The following PROCR variants were observed in gnomAD, a reference collection of about 807,000 sequenced individuals.
PROCR encodes endothelial protein C receptor.
Under a neutral mutation model 24.2 loss-of-function variants are expected in PROCR, and 22 were observed. The ratio of observed to expected loss-of-function variants is 0.91; its 90% confidence interval spans 0.65 to 1.30. PROCR has a LOEUF of 1.30. PROCR is among the 50% of genes most tolerant of loss of function. The pLI, the probability that PROCR is intolerant of heterozygous loss-of-function variation, is 0.00. For synonymous variants in PROCR, 137 were observed against 139.2 expected (o/e 0.98, Z 0.11); for missense variants, 288 against 307.7 (o/e 0.94, Z 0.48).
At chr20:35,189,329 G>A (rs1331404072) in intron 1 of PROCR, among the ~76,000 whole-genome samples, 2 of 152,150 alleles carry the variant, frequency 1.3e-5, no homozygotes, top group East Asian at 3.8e-4. Flanking sequence ...ACAGATAAGG[G>A]ATGAAACACA....
In PROCR at chr20:35,174,787, A is replaced by T. The variant is rs144246091; in HGVS notation, c.156A>T (p.Gly52=). The T allele has an allele frequency of 4.7e-4, 762 of 1,613,716 alleles. 1 individual carries two copies. The highest frequency in any genetic ancestry group is 9.9e-4 in the Middle Eastern group (6 of 6,062). The change falls in exon 2 of 4, where the codon GGA becomes GGT. Residue 52 remains glycine, a synonymous_variant. Transcript: ENST00000216968. Reference sequence around the variant, plus strand: ...ACCAGGGCAACGCGTCGCTGGGGGGACACCTAACGCACGTGCTGGAAGGCC... The same window carrying T: ...ACCAGGGCAACGCGTCGCTGGGGGGTCACCTAACGCACGTGCTGGAAGGCC... ...VWYQGNASLG[G]HLTHVLEGPD...
chr20:35,172,225 G>A lies in PROCR; in HGVS notation c.70+1G>A. On this transcript the variant is annotated splice_donor_variant, in intron 1 of 3. Transcript: ENST00000216968. LOFTEE classifies it high-confidence loss of function. The stretch of plus-strand genomic sequence containing the variant: ...TTTTGTAGCCAAGACGCCTCAGATG[G>A]TGAGTCGGGGGCACATCTCCTGCCT... The A allele has an allele frequency of 3.1e-6, 5 of 1,614,152 alleles. No individual in the cohort carries two copies. Among genetic ancestry groups the A allele is most frequent in the Non-Finnish European group, 4.2e-6 (5 of 1,179,994 alleles).
intron 1 of PROCR, among the ~76,000 whole-genome samples, chr20:35,197,488 C>A (rs1423973685): frequency 3.3e-5 from 5 of 152,088 alleles, no homozygotes; most frequent in African/African-American, 1.2e-4. Context: ...TGAAATTAGG[C>A]CAATGAATAA....
intron 1 of PROCR, among the ~76,000 whole-genome samples, chr20:35,199,271 G>A (rs1190352835): frequency 6.6e-6 from 1 of 152,164 alleles, no homozygotes; most frequent in Non-Finnish European, 1.5e-5. Flanking sequence ...TAAGCCTACT[G>A]TTGAGACCTA....
intron 1 of PROCR, among the ~76,000 whole-genome samples, chr20:35,214,045 A>G (rs1162585493): frequency 6.6e-6 from 1 of 152,152 alleles, no homozygotes; most frequent in African/African-American, 2.4e-5. Context: ...ACTGCACTCC[A>G]GCCTGGGTAA....
At chr20:35,173,346 G>A (rs1050453603) in intron 1 of PROCR, among the ~76,000 whole-genome samples, 3 of 151,722 alleles carry the variant, frequency 2.0e-5, no homozygotes, top group South Asian at 2.1e-4. Context: ...ACTGTGTCTC[G>A]TGGGGCATCA....
chr20:35,183,757 T>C (rs2086099136), intron 1 of PROCR, among the ~76,000 whole-genome samples: 1 of 152,124 alleles, frequency 6.6e-6, no homozygotes, highest in African/African-American at 2.4e-5. Flanking sequence ...ATAGGAAAGA[T>C]AGACAGAACA....
At chr20:35,194,313 G>T (rs139642918) in intron 1 of PROCR, among the ~76,000 whole-genome samples, 2 of 152,250 alleles carry the variant, frequency 1.3e-5, no homozygotes, top group African/African-American at 4.8e-5. Context: ...ATATGAAGCA[G>T]TGTTGGGTTA....
intron 1 of PROCR, among the ~76,000 whole-genome samples, chr20:35,206,359 C>A (rs764513516): frequency 2.6e-5 from 4 of 151,158 alleles, no homozygotes; most frequent in African/African-American, 7.3e-5. Context: ...CCTGTAATCC[C>A]AGCTACTCAG....
intron 1 of PROCR, among the ~76,000 whole-genome samples, chr20:35,214,623 A>G (rs2060374429): frequency 6.8e-6 from 1 of 146,842 alleles, no homozygotes; most frequent in African/African-American, 2.5e-5. Flanking sequence ...CAGGAGGTGG[A>G]GGTTGCAGTG....
At chr20:35,213,159 C>A (rs2060368347) in intron 1 of PROCR, among the ~76,000 whole-genome samples, 1 of 152,070 alleles carries the variant, frequency 6.6e-6, no homozygotes, top group African/African-American at 2.4e-5. Context: ...GGCAAAACCG[C>A]GTCTCTACAA....
chr20:35,208,911 G>A (rs559572926), intron 1 of PROCR, among the ~76,000 whole-genome samples: 1 of 152,020 alleles, frequency 6.6e-6, no homozygotes, highest in Admixed American at 6.5e-5. Flanking sequence ...GGCGGAGGCT[G>A]TAGTGAGCCG....
chr20:35,179,942 C>T (rs2086062199), downstream of PROCR, among the ~76,000 whole-genome samples: 1 of 152,056 alleles, frequency 6.6e-6, no homozygotes, highest in South Asian at 2.1e-4. Flanking sequence ...CCAGTTCTAC[C>T]TCCAAAGAAA....
intron 1 of PROCR, chr20:35,203,025 C>T (rs1210194051): frequency 1.3e-5 from 2 of 152,180 alleles, no homozygotes; most frequent in Non-Finnish European, 2.9e-5. Flanking sequence ...CACTTGTAAT[C>T]CCAGCACTTT....
At chr20:35,209,580 C>T (rs1440953697) in intron 1 of PROCR, among the ~76,000 whole-genome samples, 1 of 152,020 alleles carries the variant, frequency 6.6e-6, no homozygotes, top group African/African-American at 2.4e-5. Context: ...CTGAGAAACT[C>T]CAGAATTTAA....
chr20:35,185,572 A>C (rs7263203), intron 1 of PROCR, among the ~76,000 whole-genome samples: 13,459 of 152,260 alleles, frequency 0.088, 694 homozygotes, highest in South Asian at 0.16. Context: ...GAATGAATTA[A>C]CAGCATTTGC....
chr20:35,190,013 A>G (rs2086160347), intron 1 of PROCR, among the ~76,000 whole-genome samples: 1 of 152,202 alleles, frequency 6.6e-6, no homozygotes, highest in Non-Finnish European at 1.5e-5. Context: ...ATGTCATGAA[A>G]AATTTTATTG....
At position 35,176,300 on chromosome 20, in the gene PROCR, C is replaced by CA; in HGVS notation, c.456dup (p.Asp153ArgfsTer25). 6.2e-7 allele frequency: 1 copy of CA among 1,614,160 alleles called. No individual in the cohort carries two copies. Among genetic ancestry groups the CA allele is most frequent in the East Asian group, 2.2e-5 (1 of 44,888 alleles). The stretch of plus-strand genomic sequence containing the variant: ...CGGCCGGAGAGAGCCTTGTGGCAGG[C>CA]AGACACCCAGGTCACCTCCGGAGTG... On this transcript the variant is annotated frameshift_variant, in exon 3 of 4. Transcript: ENST00000216968. LOFTEE classifies it high-confidence loss of function.
At chr20:35,212,128 T>G (rs2060364800) in intron 1 of PROCR, among the ~76,000 whole-genome samples, 2 of 152,010 alleles carry the variant, frequency 1.3e-5, no homozygotes, top group African/African-American at 4.8e-5. Flanking sequence ...AGACTTTGAG[T>G]AAGAACTTTT....
Sources: allele counts gnomAD v4.1 joint callset (sites outside exome capture counted in the v4.1 genomes callset), GRCh38; gene constraint gnomAD v4.1.1; transcripts MANE v1.5; gene names NCBI Gene and HGNC (gene_info 2026-07-23, HGNC 2026-07-21).